Variants in TM2D3 observed in about 807,000 individuals in gnomAD.
The protein encoded by TM2D3 is TM2 domain containing 3, also known as TM2 domain-containing protein 3.
TM2D3 carries 33 observed loss-of-function variants against 27.3 expected under a neutral mutation model. The observed-to-expected ratio is 1.21, with a 90% CI of 0.92 to 1.61. The LOEUF is 1.61. Among genes scored for constraint, TM2D3 ranks in the 40% most tolerant of loss-of-function variants. The pLI is 0.00. For synonymous variants in TM2D3, 138 were observed against 122.2 expected, an observed-to-expected ratio of 1.13 and a Z score of -0.85; for missense variants, 364 against 320.8, an observed-to-expected ratio of 1.13 and a Z score of -1.03.
At chr15:101,642,713 T>G in intron 5 of TM2D3, 69 bp from the exon 6 acceptor site, 8 of 1,366,254 alleles carry the variant, frequency 5.9e-6, no homozygotes, top group Non-Finnish European at 7.9e-6. Context: ...CACGGTTTAA[T>G]CACCACATTA....
At chr15:101,643,584 A>G (rs1896723336) in intron 5 of TM2D3, among the ~76,000 whole-genome samples, 1 of 139,294 alleles carries the variant, frequency 7.2e-6, no homozygotes, top group Admixed American at 7.3e-5. Context: ...CCTGGGTGAC[A>G]GAGAGAGACT....
downstream of TM2D3, among the ~76,000 whole-genome samples, chr15:101,639,427 A>G (rs1332460631): frequency 6.6e-6 from 1 of 151,068 alleles, no homozygotes; most frequent in East Asian, 1.9e-4. Flanking sequence ...TAGTGCCTTC[A>G]TTTTCAGGCT....
In TM2D3 at chr15:101,646,915, C is replaced by A; in HGVS notation, c.328-16G>T. 6.2e-7 allele frequency: 1 copy of A among 1,613,976 alleles called. No homozygotes were observed. Among genetic ancestry groups the A allele is most frequent in the South Asian group, 1.1e-5 (1 of 91,070 alleles). ...AGTCTTGATCCTATGTAGCAAATGA[C>A]ACAAAACTCATCAATCACAATGGTG... On this transcript the variant is annotated splice_polypyrimidine_tract_variant and intron_variant, in intron 3 of 5. Coordinates refer to ENST00000333202, the MANE Select transcript of TM2D3 (RefSeq NM_078474.3).
chr15:101,649,041 TA>T (rs758492236), intron 3 of TM2D3, among the ~76,000 whole-genome samples: 16 of 151,670 alleles, frequency 1.1e-4, no homozygotes, highest in East Asian at 3.9e-4. Flanking sequence ...TTAATCAAAT[TA>T]AAAAAAAATT....
At chr15:101,648,740 G>A (rs1596267420) in intron 3 of TM2D3, among the ~76,000 whole-genome samples, 1 of 152,176 alleles carries the variant, frequency 6.6e-6, no homozygotes, top group Non-Finnish European at 1.5e-5. Context: ...ATGGCTACAA[G>A]GTGTTTATTC....
intron 3 of TM2D3, among the ~76,000 whole-genome samples, chr15:101,647,387 C>A (rs1397784964): frequency 6.6e-6 from 1 of 152,194 alleles, no homozygotes; most frequent in East Asian, 1.9e-4. Context: ...TAATGGTTAA[C>A]ACACCGCCTT....
downstream of TM2D3, among the ~76,000 whole-genome samples, chr15:101,639,780 G>C: frequency 6.6e-6 from 1 of 152,072 alleles, no homozygotes. Flanking sequence ...TTATCTCCTT[G>C]CAGCCACCTC....
chr15:101,647,045 A>C, intron 3 of TM2D3, 146 bp from the exon 4 acceptor site: 1 of 746,544 alleles, frequency 1.3e-6, no homozygotes, highest in South Asian at 1.8e-5. Context: ...CAGTTACCAA[A>C]ACAATATGTA....
intron 4 of TM2D3, chr15:101,646,110 T>C (rs1156681438): frequency 6.6e-6 from 1 of 152,268 alleles, no homozygotes; most frequent in African/African-American, 2.4e-5. Flanking sequence ...CTTAACCAAA[T>C]ATATTGGAGA....
At chr15:101,641,395 CTG>C (rs1212541240), downstream of TM2D3, among the ~76,000 whole-genome samples, 2 of 152,142 alleles carry the variant, frequency 1.3e-5, no homozygotes, top group Non-Finnish European at 2.9e-5. Context: ...AAGAAAAGGA[CTG>C]TGCTTTAAAC....
intron 5 of TM2D3, 145 bp downstream of exon 5, chr15:101,644,942 A>T: frequency 1.3e-6 from 1 of 750,256 alleles, no homozygotes. Flanking sequence ...CTGATCATCT[A>T]AACTCTTCCA....
chr15:101,652,110 G>A (rs1042473910), intron 1 of TM2D3, 161 bp downstream of exon 1: 38 of 649,618 alleles, frequency 5.8e-5, no homozygotes, highest in Admixed American at 1.1e-4. Flanking sequence ...GGGCCGGGCG[G>A]CCAGGGCGCC....
At position 101,642,585 on chromosome 15, in the gene TM2D3, A is replaced by T; in HGVS notation, c.638T>A (p.Leu213His). The change falls in exon 6 of 6, where the codon CTC (leucine) becomes CAC (histidine). Residue 213 changes from leucine to histidine, a missense_variant. Physicochemically the swap from Leu to His is moderately conservative, Grantham distance 99 (BLOSUM62 -3). Coordinates refer to ENST00000333202, the MANE Select transcript of TM2D3 (RefSeq NM_078474.3). The part of the protein sequence containing the change: ...RFYLGQWREG[L>H]GKLFSFGGLG... Reference sequence around the variant, plus strand: ...GCCACCGAAGCTGAAGAGCTTGCCGAGGCCTTCCCGCCACTGGCCCAGGTA... The same window carrying T: ...GCCACCGAAGCTGAAGAGCTTGCCGTGGCCTTCCCGCCACTGGCCCAGGTA... 4 of 1,610,146 alleles carry T rather than the reference A, an allele frequency of 2.5e-6. No homozygotes were observed. The highest frequency in any genetic ancestry group is 3.4e-6 in the Non-Finnish European group (4 of 1,178,752).
chr15:101,646,724 C>A lies in TM2D3; in HGVS notation c.502+1G>T. ...ACAAATGTCCTTGAACTCTGACCTA[C>A]CCAAGCAGTGGACGTGGTCCCGCAC... is the stretch of plus-strand genomic sequence containing the variant. On this transcript the variant is annotated splice_donor_variant, in intron 4 of 5. Coordinates refer to ENST00000333202, the MANE Select transcript of TM2D3 (RefSeq NM_078474.3). LOFTEE classifies it high-confidence loss of function. 6.2e-7 allele frequency: 1 copy of A among 1,614,126 alleles called. No homozygotes were observed. The highest frequency in any genetic ancestry group is 1.1e-5 in the South Asian group (1 of 91,086).
intron 5 of TM2D3, among the ~76,000 whole-genome samples, chr15:101,644,091 C>T (rs1896743186): frequency 6.6e-6 from 1 of 152,204 alleles, no homozygotes; most frequent in Non-Finnish European, 1.5e-5. Flanking sequence ...AGCAATCCGC[C>T]AGCCTCGGCC....
chr15:101,647,880 T>C (rs918684916), intron 3 of TM2D3, among the ~76,000 whole-genome samples: 7 of 151,888 alleles, frequency 4.6e-5, no homozygotes, highest in Admixed American at 2.0e-4. Context: ...TATACATATA[T>C]ATACACATAC....
chr15:101,636,240 G>A (rs1896548139), intron 4 of TM2D3: 1 of 152,040 alleles, frequency 6.6e-6, no homozygotes, highest in African/African-American at 2.4e-5. Context: ...TTTAGTGTAT[G>A]TCCTAAAACC....
chr15:101,640,435 GAAAT>G (rs996107665), downstream of TM2D3, among the ~76,000 whole-genome samples: 4 of 152,166 alleles, frequency 2.6e-5, no homozygotes, highest in Admixed American at 2.6e-4. Flanking sequence ...GAACTCTTAA[GAAAT>G]AAATTTCTGT....
chr15:101,649,683 C>T (rs533467205), intron 3 of TM2D3, among the ~76,000 whole-genome samples: 1 of 152,204 alleles, frequency 6.6e-6, no homozygotes, highest in South Asian at 2.1e-4. Context: ...ACACAGAATC[C>T]ATCTGAACGA....
Sources: allele counts gnomAD v4.1 joint callset (sites outside exome capture counted in the v4.1 genomes callset), GRCh38; gene constraint gnomAD v4.1.1; transcripts MANE v1.5; gene names NCBI Gene and HGNC (gene_info 2026-07-23, HGNC 2026-07-21).